Variants in RTL4 observed in about 807,000 individuals in gnomAD.
The protein encoded by RTL4 is retrotransposon Gag like 4.
Under a neutral mutation model 5.3 loss-of-function variants are expected in RTL4, and 4 were observed. The ratio of observed to expected loss-of-function variants is 0.75; its 90% confidence interval spans 0.37 to 1.72. The LOEUF (loss-of-function observed/expected upper bound fraction) is 1.72, where lower values mean the gene tolerates loss of function less well. RTL4 is among the 40% of genes most tolerant of loss of function. The probability of loss-of-function intolerance (pLI) is 0.04; values close to 1 mark genes in which losing one functional copy is unlikely to be tolerated. For missense variants in RTL4, 260 were observed against 227.1 expected, an observed-to-expected ratio of 1.14 and a Z score of -0.93; for synonymous variants, 98 against 87.3, an observed-to-expected ratio of 1.12 and a Z score of -0.68.
the RTL4 span, among the ~76,000 whole-genome samples, chrX:112,359,766 T>C: frequency 9.0e-5 from 10 of 111,109 alleles, no homozygotes; most frequent in Non-Finnish European, 1.7e-4. Flanking sequence ...CCAGGCTCTT[T>C]AATGAAGCAG....
chrX:112,244,582 G>C, the RTL4 span, among the ~76,000 whole-genome samples: 16,626 of 110,922 alleles, frequency 0.15, 869 homozygotes, highest in Non-Finnish European at 0.17. Flanking sequence ...TTGAGCCTAT[G>C]TGTGCTTCTG....
the RTL4 span, among the ~76,000 whole-genome samples, chrX:112,328,825 A>C: frequency 2.7e-5 from 3 of 112,283 alleles, no homozygotes; most frequent in African/African-American, 9.7e-5. Flanking sequence ...ACCACAGTGC[A>C]ATCAAACTAG....
chrX:112,186,158 C>T, the RTL4 span, among the ~76,000 whole-genome samples: 1 of 111,809 alleles, frequency 8.9e-6, no homozygotes. Context: ...ACAGCACCTG[C>T]CACCACAATG....
At chrX:112,161,112 T>C in the RTL4 span, among the ~76,000 whole-genome samples, 1 of 112,004 alleles carries the variant, frequency 8.9e-6, no homozygotes, top group Non-Finnish European at 1.9e-5. Flanking sequence ...CTTGATTTAA[T>C]CATGCTGCAT....
At chrX:112,447,303 T>C in the RTL4 span, among the ~76,000 whole-genome samples, 1 of 111,961 alleles carries the variant, frequency 8.9e-6, no homozygotes, top group Non-Finnish European at 1.9e-5. Context: ...TGGCTTCTAT[T>C]GTTGATATCT....
chrX:112,139,744 C>T, the RTL4 span, among the ~76,000 whole-genome samples: 1 of 112,106 alleles, frequency 8.9e-6, no homozygotes, highest in African/African-American at 3.2e-5. Flanking sequence ...TGTGCCCCCA[C>T]CCAAATGTCA....
the RTL4 span, among the ~76,000 whole-genome samples, chrX:112,392,166 A>G: frequency 8.9e-6 from 1 of 111,891 alleles, no homozygotes; most frequent in East Asian, 2.8e-4. Context: ...ACGCAGTGGC[A>G]GAGAGATTTT....
the RTL4 span, among the ~76,000 whole-genome samples, chrX:112,218,667 C>T: frequency 9.0e-6 from 1 of 111,557 alleles, no homozygotes; most frequent in Admixed American, 9.6e-5. Context: ...TAGTTCTTGC[C>T]TCTGATTGTG....
the RTL4 span, among the ~76,000 whole-genome samples, chrX:112,301,972 A>T: frequency 1.8e-5 from 2 of 108,493 alleles, no homozygotes; most frequent in Non-Finnish European, 3.8e-5. Flanking sequence ...AAAGAAAAAA[A>T]AAAAAAGGTC....
the RTL4 span, among the ~76,000 whole-genome samples, chrX:112,104,045 G>A: frequency 9.9e-5 from 11 of 111,045 alleles, no homozygotes; most frequent in South Asian, 3.8e-4. Flanking sequence ...ATTTCTCCAA[G>A]CCTCTACCTC....
the RTL4 span, among the ~76,000 whole-genome samples, chrX:112,444,796 A>G: frequency 9.0e-6 from 1 of 111,693 alleles, no homozygotes; most frequent in Non-Finnish European, 1.9e-5. Context: ...TTATTGACAG[A>G]TAGTTGTTCA....
At chrX:112,116,977 A>C in the RTL4 span, among the ~76,000 whole-genome samples, 18,801 of 111,502 alleles carry the variant, frequency 0.17, 2,446 homozygotes, top group African/African-American at 0.44. Context: ...CTGGTTATAC[A>C]TTTAAACATA....
chrX:112,235,693 G>A, the RTL4 span, among the ~76,000 whole-genome samples: 12 of 111,635 alleles, frequency 1.1e-4, no homozygotes, highest in Non-Finnish European at 2.1e-4. Context: ...ACTCTTTAAG[G>A]TCTAGCCAAA....
the RTL4 span, among the ~76,000 whole-genome samples, chrX:112,263,311 C>G: frequency 9.1e-6 from 1 of 110,398 alleles, no homozygotes; most frequent in Middle Eastern, 4.7e-3. Flanking sequence ...AGGTGAGAGT[C>G]TTGGAGCACA....
At chrX:112,141,922 G>A in the RTL4 span, among the ~76,000 whole-genome samples, 1 of 111,491 alleles carries the variant, frequency 9.0e-6, no homozygotes, top group Non-Finnish European at 1.9e-5. Flanking sequence ...TTTATCACTG[G>A]TGATTTTTTG....
At chrX:112,215,203 G>A in the RTL4 span, among the ~76,000 whole-genome samples, 1 of 111,746 alleles carries the variant, frequency 8.9e-6, no homozygotes, top group Non-Finnish European at 1.9e-5. Flanking sequence ...ACAATGTTTA[G>A]TGATCAAATC....
the RTL4 span, among the ~76,000 whole-genome samples, chrX:112,406,545 C>G: frequency 9.0e-6 from 1 of 111,293 alleles, no homozygotes; most frequent in African/African-American, 3.3e-5. Context: ...ATCCAGTCAC[C>G]TCCCACCATG....
chrX:112,174,156 G>A, the RTL4 span, among the ~76,000 whole-genome samples: 451 of 99,596 alleles, frequency 4.5e-3, 1 homozygote, highest in African/African-American at 0.015. Context: ...ATGTATACAT[G>A]TGCCATGCTG....
chrX:112,220,280 T>A, the RTL4 span, among the ~76,000 whole-genome samples: 1 of 112,693 alleles, frequency 8.9e-6, no homozygotes, highest in Non-Finnish European at 1.9e-5. Flanking sequence ...ATATATATAT[T>A]TTTAAAAAGG....
Sources: allele counts gnomAD v4.1 joint callset (sites outside exome capture counted in the v4.1 genomes callset), GRCh38; gene constraint gnomAD v4.1.1; transcripts MANE v1.5; gene names NCBI Gene and HGNC (gene_info 2026-07-23, HGNC 2026-07-21).